EFCAB5: variants seen among roughly 807,000 people sequenced by gnomAD.
EFCAB5 encodes EF-hand calcium-binding domain-containing protein 5.
Under a neutral mutation model 167.9 loss-of-function variants are expected in EFCAB5, and 131 were observed. The observed-to-expected ratio is 0.78, with a 90% CI of 0.68 to 0.90. The LOEUF is 0.90. EFCAB5 is among the 40% of genes least tolerant of loss of function. EFCAB5 has a pLI of 0.00. For synonymous variants in EFCAB5, 574 were observed against 602.8 expected, an observed-to-expected ratio of 0.95 and a Z score of 0.70; for missense variants, 1,663 against 1,745.2, an observed-to-expected ratio of 0.95 and a Z score of 0.84.
chr17:30,048,731 G>A (rs752267100), intron 8 of EFCAB5, among the ~76,000 whole-genome samples: 3 of 151,996 alleles, frequency 2.0e-5, no homozygotes, highest in Admixed American at 6.6e-5. Context: ...CAGGTGATCC[G>A]CCTACCCCAG....
intron 13 of EFCAB5, among the ~76,000 whole-genome samples, chr17:30,058,756 T>C (rs566004510): frequency 2.6e-4 from 39 of 152,234 alleles, no homozygotes; most frequent in African/African-American, 8.4e-4. Flanking sequence ...GTAATTCCAG[T>C]GCTTTGGGAG....
At chr17:29,936,277 A>C (rs2067244888) in intron 1 of EFCAB5, among the ~76,000 whole-genome samples, 1 of 151,902 alleles carries the variant, frequency 6.6e-6, no homozygotes, top group Non-Finnish European at 1.5e-5. Flanking sequence ...GGACACAGGA[A>C]GGGGAATATC....
At chr17:29,963,581 C>A (rs1004548914) in intron 3 of EFCAB5, among the ~76,000 whole-genome samples, 2 of 152,078 alleles carry the variant, frequency 1.3e-5, no homozygotes, top group African/African-American at 4.8e-5. Context: ...GAAGTGTTCC[C>A]ACCTCTTCAA....
chr17:30,073,774 C>A, intron 14 of EFCAB5: 1 of 622,398 alleles, frequency 1.6e-6, no homozygotes, highest in South Asian at 1.9e-5. Context: ...TATCAAGATA[C>A]AGAACAAAGA....
At position 30,092,089 on chromosome 17, in the gene EFCAB5, GT is replaced by G; in HGVS notation, c.4158del (p.Ile1387SerfsTer28). On this transcript the variant is annotated frameshift_variant, in exon 21 of 23. Transcript: ENST00000394835. LOFTEE classifies it high-confidence loss of function. ...ACTAGTGCGTGACATCCTGAAGGCG[GT>G]TATCTTGTTCTTTCATCCAGAGTTG... ...VKLVRDILKA[V>X]ILFFHPELEF... 1 of 1,613,962 alleles carries G rather than the reference GT, an allele frequency of 6.2e-7. No homozygotes were observed. Among genetic ancestry groups the G allele is most frequent in the Non-Finnish European group, 8.5e-7 (1 of 1,179,878 alleles).
At chr17:30,069,561 T>C in intron 14 of EFCAB5, 6 of 1,613,272 alleles carry the variant, frequency 3.7e-6, no homozygotes, top group Non-Finnish European at 5.1e-6. Context: ...AACGCTGGCT[T>C]CCGCGTATGG....
In EFCAB5 at chr17:30,056,070, T is replaced by C. The variant is rs2070256033; in HGVS notation, c.2279T>C (p.Phe760Ser). 1 of 1,612,848 alleles carries C rather than the reference T, an allele frequency of 6.2e-7. No homozygotes were observed. Among genetic ancestry groups the C allele is most frequent in the Non-Finnish European group, 8.5e-7 (1 of 1,179,280 alleles). Residue 760 changes from phenylalanine to serine, a missense_variant, in exon 12 of 23, where the codon TTT (phenylalanine) becomes TCT (serine). Coordinates refer to ENST00000394835, the MANE Select transcript of EFCAB5 (RefSeq NM_198529.4). Reference protein sequence around the residue: ...KIEGKSWSGEFFTCNWKMKYV... With the variant: ...KIEGKSWSGESFTCNWKMKYV... Reference sequence around the variant, plus strand: ...ATGGAATGTGTTTTTACAGGTGAATTTTTTACTTGTAACTGGAAAATGAAG... The same window carrying C: ...ATGGAATGTGTTTTTACAGGTGAATCTTTTACTTGTAACTGGAAAATGAAG...
chr17:29,986,895 C>T (rs1453015628), intron 4 of EFCAB5, among the ~76,000 whole-genome samples: 2 of 152,044 alleles, frequency 1.3e-5, no homozygotes, highest in Non-Finnish European at 2.9e-5. Flanking sequence ...GATCCGCCCG[C>T]CTCGGCCTCC....
intron 1 of EFCAB5, among the ~76,000 whole-genome samples, chr17:29,931,445 G>T (rs540139489): frequency 3.3e-5 from 5 of 152,184 alleles, no homozygotes; most frequent in Admixed American, 6.5e-5. Flanking sequence ...TAGCAGGGAG[G>T]TTCCATCAAG....
chr17:30,086,879 T>G (rs2071098827), intron 18 of EFCAB5, among the ~76,000 whole-genome samples, 184 bp from the exon 19 acceptor site: 1 of 150,468 alleles, frequency 6.6e-6, no homozygotes, highest in African/African-American at 2.5e-5. Context: ...GCAACAAGAG[T>G]GAAACTCCAT....
At chr17:30,027,919 C>A (rs755472799) in intron 7 of EFCAB5, among the ~76,000 whole-genome samples, 2 of 152,206 alleles carry the variant, frequency 1.3e-5, no homozygotes, top group Non-Finnish European at 2.9e-5. Flanking sequence ...CAGGTGCATT[C>A]TTCAGTAGAC....
At chr17:29,982,683 A>G (rs1451595729) in intron 4 of EFCAB5, among the ~76,000 whole-genome samples, 2 of 152,240 alleles carry the variant, frequency 1.3e-5, no homozygotes, top group Non-Finnish European at 2.9e-5. Flanking sequence ...TTAGTGGTCA[A>G]GAAAGGGTCT....
At chr17:29,934,808 G>C (rs1378219215) in intron 1 of EFCAB5, among the ~76,000 whole-genome samples, 7 of 152,148 alleles carry the variant, frequency 4.6e-5, no homozygotes, top group Non-Finnish European at 1.0e-4. Context: ...ATTTTGGGGG[G>C]CTGCTGAGAA....
In EFCAB5 at chr17:29,993,279, T is replaced by G; in HGVS notation, c.882T>G (p.Asp294Glu). The G allele has an allele frequency of 6.2e-7, 1 of 1,613,850 alleles. No individual in the cohort carries two copies. Among genetic ancestry groups the G allele is most frequent in the Non-Finnish European group, 8.5e-7 (1 of 1,179,822 alleles). ...AACAGGCTCTGCAGGAGCAATTCGATGAATGGATTCTAGACCCTAAAGGAA... is the reference window on the plus strand; with the variant it reads ...AACAGGCTCTGCAGGAGCAATTCGAGGAATGGATTCTAGACCCTAAAGGAA... ...TRKQALQEQF[D>E]EWILDPKGMI... Residue 294 changes from aspartate to glutamate, a missense_variant, in exon 5 of 23, where the codon GAT becomes GAG. By Grantham distance (45) the Asp-to-Glu change is conservative. Transcript: ENST00000394835.
Position 30,080,202 on chromosome 17 carries a change from T to C in EFCAB5, c.3158T>C (p.Val1053Ala), listed in dbSNP as rs781154684. The C allele has an allele frequency of 6.8e-6, 11 of 1,613,086 alleles. No individual in the cohort carries two copies. Among genetic ancestry groups the C allele is most frequent in the Non-Finnish European group, 9.3e-6 (11 of 1,179,560 alleles). The change falls in exon 16 of 23, where the codon GTA becomes GCA. Residue 1053 changes from valine (V) to alanine (A), a missense_variant. Coordinates refer to ENST00000394835, the MANE Select transcript of EFCAB5 (RefSeq NM_198529.4). ...VACTLDDAQF[V>A]LNRVLYRDMK... is the part of the protein sequence containing the mutation. The stretch of plus-strand genomic sequence containing the variant: ...TGTACCTTAGATGATGCTCAATTTG[T>C]ACTGAACAGAGTGCTCTACAGGGAC...
intron 8 of EFCAB5, among the ~76,000 whole-genome samples, chr17:30,046,890 G>A (rs1016960711): frequency 1.3e-5 from 2 of 152,090 alleles, no homozygotes; most frequent in African/African-American, 4.8e-5. Context: ...ATTGCTCCAG[G>A]AATACTAGTT....
At chr17:29,957,959 T>C (rs2067650085) in intron 3 of EFCAB5, among the ~76,000 whole-genome samples, 1 of 152,220 alleles carries the variant, frequency 6.6e-6, no homozygotes, top group African/African-American at 2.4e-5. Context: ...ACCAACAGTG[T>C]AAAAGTGTTC....
intron 14 of EFCAB5, among the ~76,000 whole-genome samples, chr17:30,064,855 T>G (rs1251435721): frequency 6.6e-6 from 1 of 152,132 alleles, no homozygotes; most frequent in Non-Finnish European, 1.5e-5. Flanking sequence ...CCCATTAGAA[T>G]AGCAACAGAT....
rs9896468 is a variant in EFCAB5, at chr17:29,966,860, C to T, written c.191-1931C>T. Reference sequence around the variant, plus strand: ...ACTATAGTTTTTTTTTTCAGCACTTCCTTACTTTCTGGCACTACAAGATAT... The same window carrying T: ...ACTATAGTTTTTTTTTTCAGCACTTTCTTACTTTCTGGCACTACAAGATAT... On this transcript the variant is annotated intron_variant, in intron 3 of 22. Coordinates refer to ENST00000394835, the MANE Select transcript of EFCAB5 (RefSeq NM_198529.4). 4.8e-3 allele frequency among the ~76,000 whole-genome samples: 732 copies of T among 151,652 alleles called. 4 individuals carry two copies. Among genetic ancestry groups the T allele is most frequent in the African/African-American group, 0.017 (709 of 41,322 alleles).
Sources: gnomAD v4.1 joint callset for allele counts (sites outside exome capture counted in the v4.1 genomes callset) on GRCh38, gnomAD v4.1.1 for gene constraint, MANE v1.5 for transcripts, NCBI Gene and HGNC (gene_info 2026-07-23, HGNC 2026-07-21) for gene names.